Variants in MTIF2 observed in about 807,000 individuals in gnomAD.
MTIF2 encodes translation initiation factor IF-2, mitochondrial.
In MTIF2, 71 loss-of-function variants were observed where a neutral mutation model predicts 83.5. That is an observed-to-expected ratio of 0.85 (90% CI 0.70 to 1.04). The LOEUF (loss-of-function observed/expected upper bound fraction) is 1.04, where lower values mean the gene tolerates loss of function less well. Among genes scored for constraint, MTIF2 ranks in the 50% least tolerant of loss-of-function variants. The pLI is 0.00. For missense variants in MTIF2, 957 were observed against 846.5 expected, an observed-to-expected ratio of 1.13 and a Z score of -1.62; for synonymous variants, 319 against 287.1, an observed-to-expected ratio of 1.11 and a Z score of -1.12.
chr2:55,252,488 T>C lies in MTIF2; in HGVS notation c.830A>G (p.Lys277Arg). The C allele has an allele frequency of 6.2e-7, 1 of 1,614,086 alleles. No homozygotes were observed. The highest frequency in any genetic ancestry group is 1.3e-5 in the African/African-American group (1 of 75,056). Reference protein sequence around the residue: ...KQTVESIQHAKDAQVPIILAV... With the variant: ...KQTVESIQHARDAQVPIILAV... ...CAGCCACACAGTACCCTGTGCATCT[T>C]TGGCATGCTGAATAGATTCTACAGT... The change falls in exon 8 of 16, where the codon AAA becomes AGA. Residue 277 changes from lysine (K) to arginine (R), a missense_variant. Lys to Arg is a conservative substitution (Grantham distance 26). Transcript: ENST00000263629.
At chr2:55,243,265 T>C in intron 12 of MTIF2, 151 bp downstream of exon 12, 1 of 1,041,208 alleles carries the variant, frequency 9.6e-7, no homozygotes, top group Non-Finnish European at 1.4e-6. Context: ...AACGTACATT[T>C]ACAACAAAAT....
chr2:55,262,594 G>A (rs1241796506), intron 4 of MTIF2, among the ~76,000 whole-genome samples, 167 bp from the exon 5 acceptor site: 1 of 135,874 alleles, frequency 7.4e-6, no homozygotes, highest in African/African-American at 2.7e-5. Context: ...CCAGGCTGGA[G>A]TGCAGTTGCA....
rs186942471 is a variant in MTIF2, at chr2:55,242,066, T to C, written c.1705+874A>G. On this transcript the variant is annotated intron_variant, in intron 13 of 15. Coordinates refer to ENST00000263629, the MANE Select transcript of MTIF2 (RefSeq NM_002453.3). Reference sequence around the variant, plus strand: ...TGGGGGCTGTGGCAGGAGAATCCCTTGGGAGGCAGAGGTTGCAGTGAGCCG... The same window carrying C: ...TGGGGGCTGTGGCAGGAGAATCCCTCGGGAGGCAGAGGTTGCAGTGAGCCG... Among the ~76,000 whole-genome samples, 30 of 148,762 alleles carry C rather than the reference T, an allele frequency of 2.0e-4. No individual in the cohort carries two copies. The East Asian group carries it at 5.7e-3, about 28-fold the overall frequency.
chr2:55,259,264 G>A (rs528009281), intron 5 of MTIF2, among the ~76,000 whole-genome samples: 72 of 152,122 alleles, frequency 4.7e-4, no homozygotes, highest in African/African-American at 8.4e-4. Context: ...TACTCATATC[G>A]CTAATGTATA....
chr2:55,256,626 G>A (rs1033835002), intron 5 of MTIF2, among the ~76,000 whole-genome samples: 2 of 150,950 alleles, frequency 1.3e-5, no homozygotes, highest in Admixed American at 1.3e-4. Context: ...GCTTGAATCC[G>A]GGAGACAGAG....
intron 14 of MTIF2, among the ~76,000 whole-genome samples, chr2:55,239,398 T>C (rs1055767375): frequency 1.3e-5 from 2 of 152,132 alleles, no homozygotes; most frequent in Admixed American, 6.6e-5. Flanking sequence ...TAGGACAAAA[T>C]GTAAACAACT....
rs781465997 is a variant in MTIF2, at chr2:55,254,104, G to A, written c.601C>T (p.Arg201Ter). The A allele has an allele frequency of 6.9e-5, 112 of 1,614,010 alleles. No homozygotes were observed. Among genetic ancestry groups the A allele is most frequent in the Non-Finnish European group, 7.7e-5 (91 of 1,180,012 alleles). ...HGKTTLLDKF[R>*]KTQVAAVETG... ...TCCACTGCTGCCACTTGAGTTTTTCGAAATTTGTCAAGTAATGTCGTTTTC... is the reference window on the plus strand; with the variant it reads ...TCCACTGCTGCCACTTGAGTTTTTCAAAATTTGTCAAGTAATGTCGTTTTC... Residue 201 changes from arginine (R) to a stop codon, truncating the protein, a stop_gained, in exon 7 of 16, where the codon CGA (arginine) becomes TGA (stop). Coordinates refer to ENST00000263629, the MANE Select transcript of MTIF2 (RefSeq NM_002453.3). LOFTEE classifies it high-confidence loss of function.
rs763741015 is a variant in MTIF2, at chr2:55,249,381, G to C, written c.981+14C>G. On this transcript the variant is annotated intron_variant, in intron 9 of 15. Coordinates refer to ENST00000263629, the MANE Select transcript of MTIF2 (RefSeq NM_002453.3). Reference sequence around the variant, plus strand: ...TCCCATCCAGGCATATTTATATGAGGTCCCCGCATTTACCGTAAGTGCGGA... The same window carrying C: ...TCCCATCCAGGCATATTTATATGAGCTCCCCGCATTTACCGTAAGTGCGGA... The C allele has an allele frequency of 6.2e-7, 1 of 1,613,178 alleles. No homozygotes were observed. The highest frequency in any genetic ancestry group is 1.1e-5 in the South Asian group (1 of 90,960).
intron 9 of MTIF2, 70 bp downstream of exon 9, chr2:55,249,325 T>C: frequency 1.3e-6 from 2 of 1,511,116 alleles, no homozygotes; most frequent in South Asian, 1.3e-5. Context: ...GTTCTTTAGA[T>C]GTAATATACT....
At chr2:55,260,541 T>C (rs147892558) in intron 5 of MTIF2, among the ~76,000 whole-genome samples, 4 of 152,180 alleles carry the variant, frequency 2.6e-5, no homozygotes, top group Non-Finnish European at 5.9e-5. Context: ...AAAATAATTA[T>C]TGAAAGATAA....
Position 55,254,712 on chromosome 2 carries a change from AC to A in MTIF2, c.444del (p.Lys148AsnfsTer2), listed in dbSNP as rs1677379298. The A allele has an allele frequency of 6.2e-7, 1 of 1,609,624 alleles. No homozygotes were observed. Among genetic ancestry groups the A allele is most frequent in the Non-Finnish European group, 8.5e-7 (1 of 1,178,358 alleles). ...IKEVITKAGM[K>X]LKWSKLKQDK... ...TCCTGTTTTAATTTACTCCACTTTA[AC>A]TTCATCCCTGCCTTCGTTATCACTT... On this transcript the variant is annotated frameshift_variant, in exon 6 of 16. Transcript: ENST00000263629. LOFTEE classifies it high-confidence loss of function.
intron 10 of MTIF2, among the ~76,000 whole-genome samples, chr2:55,244,810 G>C (rs1042535630): frequency 3.3e-5 from 5 of 151,972 alleles, no homozygotes; most frequent in Middle Eastern, 3.2e-3. Flanking sequence ...ACTTTGGGAG[G>C]CCGAGGCAGG....
intron 15 of MTIF2, among the ~76,000 whole-genome samples, 175 bp from the exon 16 acceptor site, chr2:55,236,995 C>T (rs1260685255): frequency 1.3e-5 from 2 of 152,184 alleles, no homozygotes; most frequent in African/African-American, 2.4e-5. Flanking sequence ...ATGAAGTTTG[C>T]TGTGAATAAG....
chr2:55,263,188 T>C (rs1192184978), intron 4 of MTIF2, among the ~76,000 whole-genome samples: 1 of 152,146 alleles, frequency 6.6e-6, no homozygotes, highest in Non-Finnish European at 1.5e-5. Flanking sequence ...CAACGAACAC[T>C]CCCATAAGTA....
At chr2:55,268,945 G>C (rs749617321) in intron 1 of MTIF2, 2 of 152,350 alleles carry the variant, frequency 1.3e-5, no homozygotes, top group Non-Finnish European at 2.9e-5. Context: ...AGCCGCGCGC[G>C]AGGAGGGGAA....
chr2:55,237,649 CTTTT>C (rs536036933), intron 14 of MTIF2, among the ~76,000 whole-genome samples: 57 of 112,980 alleles, frequency 5.0e-4, no homozygotes, highest in Non-Finnish European at 8.4e-4. Flanking sequence ...TTCTTTTTTT[CTTTT>C]TTTTTTTTTT....
chr2:55,264,707 C>T (rs1307573881), intron 3 of MTIF2, among the ~76,000 whole-genome samples: 1 of 152,024 alleles, frequency 6.6e-6, no homozygotes, highest in Non-Finnish European at 1.5e-5. Context: ...TCCCATCTCA[C>T]CCCCTAAAAA....
At position 55,254,787 on chromosome 2, in the gene MTIF2, T is replaced by C. The variant is rs1429315044; in HGVS notation, c.370A>G (p.Ile124Val). The C allele has an allele frequency of 2.5e-6, 4 of 1,607,626 alleles. No homozygotes were observed. The Admixed American group carries it at 6.8e-5, about 27-fold the overall frequency. ...YEALLNTDID[I>V]DSLEADSHLD... ...TGTGAGTCTGCTTCCAGTGAATCTA[T>C]GTCAATATCAGTGTTCAATAAAGCT... The change falls in exon 6 of 16, where the codon ATA becomes GTA. Residue 124 changes from isoleucine (I) to valine (V), a missense_variant. Physicochemically the swap from Ile to Val is conservative, Grantham distance 29 (BLOSUM62 3). Coordinates refer to ENST00000263629, the MANE Select transcript of MTIF2 (RefSeq NM_002453.3).
intron 3 of MTIF2, among the ~76,000 whole-genome samples, chr2:55,266,960 G>C (rs184895379): frequency 6.6e-6 from 1 of 151,748 alleles, no homozygotes; most frequent in African/African-American, 2.4e-5. Context: ...AGTAGACACC[G>C]GGTTTTACCA....
Sources: allele counts gnomAD v4.1 joint callset (sites outside exome capture counted in the v4.1 genomes callset), GRCh38; gene constraint gnomAD v4.1.1; transcripts MANE v1.5; gene names NCBI Gene and HGNC (gene_info 2026-07-23, HGNC 2026-07-21).